The following KLHL2 variants were observed in gnomAD, a reference collection of about 807,000 sequenced individuals.
KLHL2 encodes kelch-like protein 2.
A neutral mutation model predicts 75.8 loss-of-function variants in KLHL2; 15 were observed. That is an observed-to-expected ratio of 0.20 (90% confidence interval 0.13 to 0.30). The LOEUF (loss-of-function observed/expected upper bound fraction) is 0.30. Ranked by LOEUF, KLHL2 falls within the 10% of genes least tolerant of loss-of-function variation. The pLI is 1.00. For missense variants in KLHL2, 381 were observed against 741.0 expected (o/e 0.51, Z 5.64); for synonymous variants, 214 against 251.9 (o/e 0.85, Z 1.42).
chr4:165,277,434 G>T (rs1437015775), intron 5 of KLHL2, among the ~76,000 whole-genome samples: 1 of 152,180 alleles, frequency 6.6e-6, no homozygotes, highest in Non-Finnish European at 1.5e-5. Flanking sequence ...TAATAATTTA[G>T]TAGATATTTC....
intron 11 of KLHL2, among the ~76,000 whole-genome samples, chr4:165,311,965 T>C (rs1043815826): frequency 6.6e-6 from 1 of 152,040 alleles, no homozygotes; most frequent in Non-Finnish European, 1.5e-5. Flanking sequence ...AATTTTTCCA[T>C]GGACAGGGGT....
intron 14 of KLHL2, chr4:165,321,390 TCTTC>T: frequency 2.3e-6 from 1 of 433,436 alleles, no homozygotes; most frequent in Non-Finnish European, 4.6e-6. Context: ...ATATAGTTCC[TCTTC>T]CTTATGACTT....
At chr4:165,285,758 G>T (rs1176289558) in intron 5 of KLHL2, among the ~76,000 whole-genome samples, 2 of 138,932 alleles carry the variant, frequency 1.4e-5, no homozygotes, top group Admixed American at 1.4e-4. Context: ...AATGGTTACG[G>T]TGGTAAATTT....
Position 165,264,769 on chromosome 4 carries a change from A to T in KLHL2, c.544+1410A>T, listed in dbSNP as rs563676357. Reference sequence around the variant, plus strand: ...ATATATATATATATATATATATAAAACATTATCCACTCATTGGCTGATGGG... The same window carrying T: ...ATATATATATATATATATATATAAATCATTATCCACTCATTGGCTGATGGG... On this transcript the variant is annotated intron_variant, in intron 5 of 14. Transcript: ENST00000226725. Among the ~76,000 whole-genome samples the T allele has an allele frequency of 7.0e-3, 659 of 94,774 alleles. 11 individuals carry two copies. The highest frequency in any genetic ancestry group is 0.022 in the African/African-American group (604 of 27,838). 62.2% of individuals were successfully genotyped at this position (94,774 alleles called of 152,430 possible).
At chr4:165,321,053 A>C (rs2126598306) in intron 14 of KLHL2, among the ~76,000 whole-genome samples, 1 of 152,350 alleles carries the variant, frequency 6.6e-6, no homozygotes, top group Middle Eastern at 3.4e-3. Flanking sequence ...TTACTTTATG[A>C]AATGGGCCCT....
chr4:165,311,845 G>GTGTGTT (rs1746223827), intron 11 of KLHL2, among the ~76,000 whole-genome samples: 1 of 143,808 alleles, frequency 7.0e-6, no homozygotes, highest in Non-Finnish European at 1.5e-5. Flanking sequence ...GTGTGTGTGT[G>GTGTGTT]TTTGACTTAT....
At chr4:165,285,981 A>G (rs1579122511) in intron 5 of KLHL2, among the ~76,000 whole-genome samples, 1 of 152,198 alleles carries the variant, frequency 6.6e-6, no homozygotes, top group Admixed American at 6.5e-5. Context: ...TGCAGTATCA[A>G]TTTAAAGGTT....
At chr4:165,242,875 G>C (rs1739934730) in intron 4 of KLHL2, among the ~76,000 whole-genome samples, 1 of 152,110 alleles carries the variant, frequency 6.6e-6, no homozygotes, top group South Asian at 2.1e-4. Flanking sequence ...CATGTATGAA[G>C]GATTTTCACA....
chr4:165,276,504 G>A (rs780646500), intron 5 of KLHL2, among the ~76,000 whole-genome samples: 4 of 151,494 alleles, frequency 2.6e-5, no homozygotes, highest in Non-Finnish European at 5.9e-5. Context: ...ACTGCCATCA[G>A]CCTAACTTTT....
chr4:165,239,985 CTA>C (rs967356338), intron 4 of KLHL2, among the ~76,000 whole-genome samples: 2 of 149,168 alleles, frequency 1.3e-5, no homozygotes, highest in Non-Finnish European at 3.0e-5. Flanking sequence ...TGTTAATCAG[CTA>C]TATATATATA....
intron 3 of KLHL2, among the ~76,000 whole-genome samples, chr4:165,231,899 C>T (rs1216714734): frequency 2.0e-5 from 3 of 152,186 alleles, no homozygotes; most frequent in African/African-American, 7.2e-5. Context: ...TCCTATTTCT[C>T]CACATCCTTG....
In KLHL2 at chr4:165,209,854, C is replaced by G. The variant is rs1366838088; in HGVS notation, c.26+1952C>G. 28 of 463,268 alleles carry G rather than the reference C, an allele frequency of 6.0e-5. No individual in the cohort carries two copies. The East Asian group carries it at 9.4e-4, about 16-fold the overall frequency. The allele number at this position is 463,268 out of a possible 1,614,324, so 28.7% of individuals were successfully genotyped here. On this transcript the variant is annotated intron_variant, in intron 1 of 14. Transcript: ENST00000226725. ...CAGGATTAAACCTAATTCAAGAACT[C>G]GTTATGGTGTTATTTGCCATTCTGT...
chr4:165,273,891 A>C (rs751679921), intron 5 of KLHL2, among the ~76,000 whole-genome samples: 3 of 152,220 alleles, frequency 2.0e-5, no homozygotes, highest in Non-Finnish European at 4.4e-5. Context: ...AGATGTCTAT[A>C]GCTCCTTTTC....
intron 14 of KLHL2, among the ~76,000 whole-genome samples, chr4:165,318,196 C>CA (rs1262812378): frequency 4.0e-5 from 6 of 151,122 alleles, no homozygotes; most frequent in Admixed American, 3.3e-4. Context: ...CTTTGATATA[C>CA]AAAATCATAT....
intron 6 of KLHL2, 125 bp downstream of exon 6, chr4:165,294,593 G>T (rs1311318054): frequency 8.2e-6 from 4 of 490,166 alleles, no homozygotes; most frequent in Non-Finnish European, 1.5e-5. Flanking sequence ...TCAACTGGAA[G>T]TTAAGAAACT....
chr4:165,247,445 TG>T (rs935947401), intron 4 of KLHL2, among the ~76,000 whole-genome samples: 1 of 152,176 alleles, frequency 6.6e-6, no homozygotes, highest in Non-Finnish European at 1.5e-5. Flanking sequence ...TGTTTTTTGA[TG>T]GGTAATATTT....
intron 4 of KLHL2, among the ~76,000 whole-genome samples, chr4:165,248,610 A>T (rs1258736129): frequency 6.6e-6 from 1 of 152,212 alleles, no homozygotes; most frequent in Non-Finnish European, 1.5e-5. Flanking sequence ...GTGGATGGTG[A>T]TCAACTAGTG....
intron 13 of KLHL2, among the ~76,000 whole-genome samples, chr4:165,315,898 A>G (rs1210920690): frequency 6.6e-6 from 1 of 152,226 alleles, no homozygotes. Flanking sequence ...TTTCATAAGT[A>G]TGGTAAATTA....
chr4:165,289,527 T>G (rs1744347240), intron 5 of KLHL2, among the ~76,000 whole-genome samples: 1 of 149,194 alleles, frequency 6.7e-6, no homozygotes, highest in African/African-American at 2.5e-5. Context: ...TTTTTTTTTT[T>G]TTTGGTAAGT....
Sources: allele counts gnomAD v4.1 joint callset (sites outside exome capture counted in the v4.1 genomes callset), GRCh38; gene constraint gnomAD v4.1.1; transcripts MANE v1.5; gene names NCBI Gene and HGNC (gene_info 2026-07-23, HGNC 2026-07-21).